CDK7: variants seen among roughly 807,000 people sequenced by gnomAD.
CDK7 encodes cyclin-dependent kinase 7.
Under a neutral mutation model 49.1 loss-of-function variants are expected in CDK7, and 25 were observed. The observed-to-expected ratio is 0.51, with a 90% confidence interval of 0.37 to 0.71. The LOEUF (loss-of-function observed/expected upper bound fraction) is 0.71. Among genes scored for constraint, CDK7 ranks in the 30% least tolerant of loss-of-function variants. CDK7 has a pLI of 0.00. For missense variants in CDK7, 316 were observed against 411.7 expected, an observed-to-expected ratio of 0.77 and a Z score of 2.01; for synonymous variants, 107 against 140.0, an observed-to-expected ratio of 0.76 and a Z score of 1.67.
At chr5:69,268,869 G>A (rs59515371) in intron 8 of CDK7, among the ~76,000 whole-genome samples, 20,500 of 144,326 alleles carry the variant, frequency 0.14, 2,090 homozygotes, top group African/African-American at 0.29. Context: ...TAAGGCTGGC[G>A]TGGTGGCTCA....
chr5:69,254,972 G>A (rs1750392924), intron 4 of CDK7, among the ~76,000 whole-genome samples: 1 of 152,174 alleles, frequency 6.6e-6, no homozygotes, highest in Non-Finnish European at 1.5e-5. Flanking sequence ...TTCTGCCTGT[G>A]TGAGACCTTG....
Position 69,269,583 on chromosome 5 carries a change from C to T in CDK7, c.714+290C>T, listed in dbSNP as rs79062828. ...ATGTTAGGAGTTTATAAGCACACTA[C>T]GAACATAAAAGGGTTGCATGTTCTT... On this transcript the variant is annotated intron_variant, in intron 9 of 11. Coordinates refer to ENST00000256443, the MANE Select transcript of CDK7 (RefSeq NM_001799.4). 2.0e-4 allele frequency among the ~76,000 whole-genome samples: 31 copies of T among 151,976 alleles called. 1 individual carries two copies. The East Asian group carries it at 5.4e-3, about 27-fold the overall frequency.
At chr5:69,261,526 A>ATGTGTGTGTATG (rs1750823263) in intron 7 of CDK7, among the ~76,000 whole-genome samples, 1 of 118,044 alleles carries the variant, frequency 8.5e-6, no homozygotes, top group South Asian at 2.6e-4. Context: ...GTGTGTGTGT[A>ATGTGTGTGTATG]TGTGTGTGTG....
intron 2 of CDK7, among the ~76,000 whole-genome samples, chr5:69,237,897 A>G (rs1278855170): frequency 2.0e-5 from 3 of 152,122 alleles, no homozygotes; most frequent in Non-Finnish European, 2.9e-5. Flanking sequence ...GTGAGTCACT[A>G]TGCCTGGCCT....
At chr5:69,243,976 G>A (rs1365477094) in intron 2 of CDK7, among the ~76,000 whole-genome samples, 1 of 151,900 alleles carries the variant, frequency 6.6e-6, no homozygotes, top group Non-Finnish European at 1.5e-5. Context: ...GGGATTACAG[G>A]CGCATACCAC....
rs55751300 is a variant in CDK7 at position 69,262,199 on chromosome 5, C to T, written c.528-6C>T. The T allele has an allele frequency of 1.2e-5, 20 of 1,613,034 alleles. No individual in the cohort carries two copies. The highest frequency in any genetic ancestry group is 1.6e-5 in the Non-Finnish European group (19 of 1,179,984). On this transcript the variant is annotated splice_polypyrimidine_tract_variant and splice_region_variant and intron_variant, in intron 7 of 11. Coordinates refer to ENST00000256443, the MANE Select transcript of CDK7 (RefSeq NM_001799.4). ...TAAAATGATACTAATTCTTTTTGTT[C>T]TTTAGGTGGTATCGGGCCCCCGAGT... is the stretch of plus-strand genomic sequence containing the variant.
chr5:69,240,682 C>G lies in CDK7; in HGVS notation c.126+5229C>G, dbSNP rs187749775. Among the ~76,000 whole-genome samples the G allele has an allele frequency of 1.2e-4, 18 of 152,328 alleles. No homozygotes were observed. The East Asian group carries it at 3.5e-3, about 29-fold the overall frequency. ...CTCCCTCTGTCGCCAGGCTGGAGTG[C>G]AATGGCGCGATCTCGGCTCACTGCA... On this transcript the variant is annotated intron_variant, in intron 2 of 11. Transcript: ENST00000256443.
chr5:69,235,296 C>A, intron 1 of CDK7, 98 bp from the exon 2 acceptor site: 1 of 956,648 alleles, frequency 1.0e-6, no homozygotes, highest in Non-Finnish European at 1.7e-6. Context: ...CGAGTCTGCT[C>A]AGGAACTCTG....
At chr5:69,239,365 T>C (rs1251405427) in intron 2 of CDK7, among the ~76,000 whole-genome samples, 1 of 152,246 alleles carries the variant, frequency 6.6e-6, no homozygotes, top group Non-Finnish European at 1.5e-5. Flanking sequence ...TACTGGCTTC[T>C]TAGATTTTCT....
chr5:69,243,413 T>C lies in CDK7; in HGVS notation c.126+7960T>C, dbSNP rs542684470. On this transcript the variant is annotated intron_variant, in intron 2 of 11. Transcript: ENST00000256443. ...AAGAAACTGTCTTTTCCTCATTGTA[T>C]GTTATTGGCACCATTGTTGAAAATG... 1.1e-4 allele frequency among the ~76,000 whole-genome samples: 16 copies of C among 152,380 alleles called. No individual in the cohort carries two copies. In the East Asian group the frequency reaches 3.1e-3, roughly 29 times the overall value.
intron 2 of CDK7, among the ~76,000 whole-genome samples, chr5:69,245,710 A>G (rs1326802542): frequency 6.6e-6 from 1 of 151,980 alleles, no homozygotes; most frequent in Non-Finnish European, 1.5e-5. Context: ...ATTTTTTATT[A>G]TGGCATCAAT....
chr5:69,246,376 C>G lies in CDK7; in HGVS notation c.127-6042C>G, dbSNP rs183402744. ...GGTCTCGATCTTCTGACCTCGTGAT[C>G]TGCCCGCCTCCGCCTTCCAAAGTCC... On this transcript the variant is annotated intron_variant, in intron 2 of 11. Coordinates refer to ENST00000256443, the MANE Select transcript of CDK7 (RefSeq NM_001799.4). Among the ~76,000 whole-genome samples, 25 of 152,194 alleles carry G rather than the reference C, an allele frequency of 1.6e-4. 1 individual carries two copies. The highest frequency in any genetic ancestry group is 1.6e-3 in the Admixed American group (24 of 15,270).
chr5:69,274,732 C>T (rs1203035565), intron 10 of CDK7, among the ~76,000 whole-genome samples: 4 of 152,044 alleles, frequency 2.6e-5, no homozygotes, highest in African/African-American at 4.8e-5. Flanking sequence ...TCTCCTGTCT[C>T]AGCCTCCCTA....
intron 9 of CDK7, among the ~76,000 whole-genome samples, chr5:69,271,832 T>G (rs1385066130): frequency 6.6e-6 from 1 of 152,142 alleles, no homozygotes; most frequent in East Asian, 1.9e-4. Context: ...TTTTTTTGTA[T>G]TTTTTTCTAC....
At chr5:69,257,959 A>T (rs1469450121) in intron 5 of CDK7, 84 bp from the exon 6 acceptor site, 2 of 754,660 alleles carry the variant, frequency 2.7e-6, no homozygotes, top group Non-Finnish European at 2.3e-6. Flanking sequence ...TGATACTTAC[A>T]TTTTAAGTCT....
upstream of CDK7, chr5:69,234,821 C>A: frequency 1.4e-6 from 1 of 736,596 alleles, no homozygotes; most frequent in Non-Finnish European, 2.3e-6. Context: ...GGGCCTAGCG[C>A]AGCTTCCTCC....
chr5:69,276,777 G>A (rs1399689577), intron 11 of CDK7, 87 bp downstream of exon 11: 3 of 1,100,716 alleles, frequency 2.7e-6, no homozygotes, highest in African/African-American at 3.2e-5. Context: ...CAACAGCAAA[G>A]AAATGTAGCT....
intron 2 of CDK7, among the ~76,000 whole-genome samples, chr5:69,246,176 G>A (rs1018419515): frequency 6.6e-6 from 1 of 151,850 alleles, no homozygotes; most frequent in Non-Finnish European, 1.5e-5. Flanking sequence ...TCGCTCTGTC[G>A]CCAGGCTGGG....
At chr5:69,238,654 TTTTA>T (rs893522772) in intron 2 of CDK7, among the ~76,000 whole-genome samples, 25 of 140,056 alleles carry the variant, frequency 1.8e-4, no homozygotes, top group African/African-American at 6.8e-4. Context: ...ATTCTTTTTT[TTTTA>T]TTTTATTTTT....
Sources: allele counts gnomAD v4.1 joint callset (sites outside exome capture counted in the v4.1 genomes callset), GRCh38; gene constraint gnomAD v4.1.1; transcripts MANE v1.5; gene names NCBI Gene and HGNC (gene_info 2026-07-23, HGNC 2026-07-21).